The following GAS6 variants were observed in gnomAD, a reference collection of about 807,000 sequenced individuals.
GAS6 encodes the protein growth arrest specific 6.
A neutral mutation model predicts 75.8 loss-of-function variants in GAS6; 41 were observed. The ratio of observed to expected loss-of-function variants is 0.54; its 90% CI spans 0.42 to 0.70. The LOEUF is 0.70. GAS6 is among the 30% of genes least tolerant of loss of function. GAS6 has a pLI of 0.00. For synonymous variants in GAS6, 432 were observed against 412.6 expected, an observed-to-expected ratio of 1.05 and a Z score of -0.57; for missense variants, 854 against 940.2, an observed-to-expected ratio of 0.91 and a Z score of 1.20.
At chr13:113,822,405 G>A in intron 13 of GAS6, 1 of 464,530 alleles carries the variant, frequency 2.2e-6, no homozygotes, top group African/African-American at 2.0e-5. Context: ...GGGCCAGCCT[G>A]GGAGGCTGTG....
chr13:113,854,621 A>G (rs2051900247), intron 2 of GAS6, among the ~76,000 whole-genome samples: 2 of 152,378 alleles, frequency 1.3e-5, no homozygotes, highest in South Asian at 4.1e-4. Flanking sequence ...CAGCCCCCAC[A>G]GGCCCTGAGC....
intron 2 of GAS6, among the ~76,000 whole-genome samples, chr13:113,851,009 G>A (rs2051868977): frequency 1.3e-5 from 2 of 152,014 alleles, no homozygotes; most frequent in Admixed American, 1.3e-4. Flanking sequence ...ATGAATCAGT[G>A]GATGAATGAG....
At position 113,820,711 on chromosome 13, in the gene GAS6, A is replaced by C; in HGVS notation, c.*153T>G. The C allele has an allele frequency of 1.1e-6, 1 of 929,916 alleles. No individual in the cohort carries two copies. Among genetic ancestry groups the C allele is most frequent in the Non-Finnish European group, 1.6e-6 (1 of 639,826 alleles). 57.6% of individuals were successfully genotyped at this position (929,916 alleles called of 1,614,324 possible). A position where few individuals can be genotyped will look rare whatever the true frequency, so the allele number is the denominator to read the frequency against. The stretch of plus-strand genomic sequence containing the variant: ...CTGAGTGCGCGGCGTCAGAGGCCCC[A>C]AGTCCATCTCACTATTTACAGATAT... On this transcript the variant is annotated 3_prime_UTR_variant, in exon 15 of 15. Coordinates refer to ENST00000327773, the MANE Select transcript of GAS6 (RefSeq NM_000820.4).
intron 8 of GAS6, 48 bp downstream of exon 8, chr13:113,834,503 G>T: frequency 6.9e-7 from 1 of 1,450,272 alleles, no homozygotes; most frequent in East Asian, 2.6e-5. Flanking sequence ...CACCGGCGAG[G>T]GCCCCCGGAA....
At chr13:113,824,095 AC>A (rs1319839358) in intron 12 of GAS6, among the ~76,000 whole-genome samples, 1,509 of 123,678 alleles carry the variant, frequency 0.012, 20 homozygotes, top group African/African-American at 0.047. Context: ...TGTCAGGAGC[AC>A]CCGCGGTCTG....
At chr13:113,827,187 G>A (rs750207938) in intron 11 of GAS6, 23 bp from the exon 12 acceptor site, 35 of 1,606,030 alleles carry the variant, frequency 2.2e-5, no homozygotes, top group East Asian at 6.7e-5. Flanking sequence ...AGAAATCTCC[G>A]TGGCTTCCTG....
At chr13:113,846,648 G>A (rs910304325) in intron 3 of GAS6, 59 bp from the exon 4 acceptor site, 2 of 1,442,360 alleles carry the variant, frequency 1.4e-6, no homozygotes, top group Admixed American at 1.7e-5. Flanking sequence ...GGACTGCAGA[G>A]CCTCTGCTTC....
At chr13:113,826,468 C>A (rs113872226) in intron 12 of GAS6, among the ~76,000 whole-genome samples, 2 of 85,074 alleles carry the variant, frequency 2.4e-5, no homozygotes, top group East Asian at 5.6e-4. Context: ...GCGCCGGCCT[C>A]GCAGGCACCT....
rs2051990873 is a variant in GAS6 at position 113,863,583 on chromosome 13, G to T, written c.247C>A (p.Pro83Thr). 2 of 1,515,020 alleles carry T rather than the reference G, an allele frequency of 1.3e-6. No individual in the cohort carries two copies. Among genetic ancestry groups the T allele is most frequent in the East Asian group, 5.5e-5 (2 of 36,580 alleles). 93.8% of individuals were successfully genotyped at this position (1,515,020 alleles called of 1,614,324 possible). A position where few individuals can be genotyped will look rare whatever the true frequency, so the allele number is the denominator to read the frequency against. ...EEAREVFEND[P>T]ETDYFYPRYL... ...GCCCGCCGGCTGCTCACCGTCTCGGGGTCGTTCTCGAACACCTCCCGCGCC... is the reference window on the plus strand; with the variant it reads ...GCCCGCCGGCTGCTCACCGTCTCGGTGTCGTTCTCGAACACCTCCCGCGCC... Residue 83 changes from proline to threonine, a missense_variant, in exon 2 of 15, where the codon CCC becomes ACC. By Grantham distance (38) the Pro-to-Thr change is conservative. Transcript: ENST00000327773. This position sits in a 1 kb window ranked among gnomAD's most constrained non-coding sequence, Gnocchi z 9.4.
chr13:113,832,959 C>T, intron 8 of GAS6: 1 of 1,453,804 alleles, frequency 6.9e-7, no homozygotes, highest in South Asian at 1.4e-5. Flanking sequence ...CAGCCGCTTC[C>T]CACAGGGCTT....
rs767823966 is a variant in GAS6 at position 113,828,598 on chromosome 13, C to T, written c.1257G>A (p.Leu419=). 1 of 1,613,624 alleles carries T rather than the reference C, an allele frequency of 6.2e-7. No homozygotes were observed. The highest frequency in any genetic ancestry group is 8.5e-7 in the Non-Finnish European group (1 of 1,179,998). The change falls in exon 11 of 15, where the codon CTG becomes CTA. Residue 419 remains leucine, a synonymous_variant. Coordinates refer to ENST00000327773, the MANE Select transcript of GAS6 (RefSeq NM_000820.4). ...AGGGAATACCTCCCACGGTCAGGTT[C>T]AGATGATACAGTCCTCGCTCCGGTT... The part of the protein sequence containing the change: ...LFQPERGLYH[L]NLTVGGIPFH...
In GAS6 at chr13:113,848,815, C is replaced by T. The variant is rs1391695027; in HGVS notation, c.256-765G>A. On this transcript the variant is annotated intron_variant, in intron 2 of 14. Transcript: ENST00000327773. The surrounding 1 kb of genome is among the most constrained non-coding windows in gnomAD (Gnocchi z 4.8). Reference sequence around the variant, plus strand: ...GCATTTTTACACTATTTTATGAAATCCTCACAAATAACACCCAGGAAGGTC... The same window carrying T: ...GCATTTTTACACTATTTTATGAAATTCTCACAAATAACACCCAGGAAGGTC... Among the ~76,000 whole-genome samples the T allele has an allele frequency of 6.6e-6, 1 of 151,442 alleles. No individual in the cohort carries two copies. The highest frequency in any genetic ancestry group is 1.5e-5 in the Non-Finnish European group (1 of 68,028).
chr13:113,830,395 CT>C (rs2051614897), intron 10 of GAS6, among the ~76,000 whole-genome samples: 2 of 144,952 alleles, frequency 1.4e-5, no homozygotes, highest in Admixed American at 6.8e-5. Flanking sequence ...GCCACCTGCC[CT>C]GGGCCCCTCC....
chr13:113,842,099 T>C (rs1039810095), intron 4 of GAS6: 1 of 154,370 alleles, frequency 6.5e-6, no homozygotes, highest in Non-Finnish European at 1.4e-5. Context: ...GTTTCCTCCA[T>C]ACGCCCCAGT....
chr13:113,832,659 G>A lies in GAS6; in HGVS notation c.928C>T (p.Arg310Cys), dbSNP rs375897325. ...MFSGTPVIRL[R>C]FKRLQPTRLV... ...CTGGTGGGCTGCAGCCTCTTGAAGC[G>A]CAGTCGGATCACGGGGGTCCCACTG... The change falls in exon 9 of 15, where the codon CGC becomes TGC. Residue 310 changes from arginine (R) to cysteine (C), a missense_variant. By Grantham distance (180) the Arg-to-Cys change is radical. Transcript: ENST00000327773. 2.0e-5 allele frequency: 32 copies of A among 1,612,634 alleles called. No individual in the cohort carries two copies. Among genetic ancestry groups the A allele is most frequent in the Middle Eastern group, 1.6e-4 (1 of 6,080 alleles).
chr13:113,860,573 T>A (rs980812955), intron 2 of GAS6, among the ~76,000 whole-genome samples: 1 of 152,154 alleles, frequency 6.6e-6, no homozygotes, highest in Non-Finnish European at 1.5e-5. Context: ...GCAGAGACAC[T>A]GTGGGGAGTT....
chr13:113,820,755 C>T lies in GAS6; in HGVS notation c.*109G>A, dbSNP rs1011844150. On this transcript the variant is annotated 3_prime_UTR_variant, in exon 15 of 15. Transcript: ENST00000327773. Reference sequence around the variant, plus strand: ...CAGATATGTTACAGGCCGGGATGGTCACAGAGGAAAGCCCAGCTCTCAGCA... The same window carrying T: ...CAGATATGTTACAGGCCGGGATGGTTACAGAGGAAAGCCCAGCTCTCAGCA... 7.9e-7 allele frequency: 1 copy of T among 1,259,038 alleles called. No individual in the cohort carries two copies. 78.0% of individuals were successfully genotyped at this position (1,259,038 alleles called of 1,614,324 possible). A position where few individuals can be genotyped will look rare whatever the true frequency, so the allele number is the denominator to read the frequency against.
intron 2 of GAS6, among the ~76,000 whole-genome samples, chr13:113,859,943 G>C (rs1193682635): frequency 6.6e-6 from 1 of 152,212 alleles, no homozygotes; most frequent in Non-Finnish European, 1.5e-5. Flanking sequence ...CCCAAGTGGG[G>C]ACTCAGAGGG....
At chr13:113,841,623 A>G (rs112040244) in intron 4 of GAS6, 1,751 of 73,862 alleles carry the variant, frequency 0.024, no homozygotes, top group Middle Eastern at 0.085. Flanking sequence ...TCCTCCATAC[A>G]CCCCACAGTT....
Sources: gnomAD v4.1 joint callset for allele counts (sites outside exome capture counted in the v4.1 genomes callset) on GRCh38, gnomAD v4.1.1 for gene constraint, Gnocchi (gnomAD v3.1) non-coding constraint, MANE v1.5 for transcripts, NCBI Gene and HGNC (gene_info 2026-07-23, HGNC 2026-07-21) for gene names.